The following ZNRF1 variants were observed in gnomAD, a reference collection of about 807,000 sequenced individuals.
ZNRF1 encodes E3 ubiquitin-protein ligase ZNRF1.
A neutral mutation model predicts 18.4 loss-of-function variants in ZNRF1; 3 were observed. The observed-to-expected ratio is 0.16, with a 90% CI of 0.07 to 0.42. The LOEUF is 0.42. ZNRF1 is among the 10% of genes least tolerant of loss of function. The pLI, the probability that ZNRF1 is intolerant of heterozygous loss-of-function variation, is 0.99. For synonymous variants in ZNRF1, 157 were observed against 144.2 expected (o/e 1.09, Z -0.64); for missense variants, 310 against 329.8 (o/e 0.94, Z 0.47).
chr16:75,065,097 C>T (rs2035786318), intron 1 of ZNRF1, among the ~76,000 whole-genome samples: 1 of 152,234 alleles, frequency 6.6e-6, no homozygotes, highest in Non-Finnish European at 1.5e-5. Context: ...AATGTGTTTT[C>T]ATGCAACGAG....
chr16:75,013,562 G>A (rs2035027588), intron 1 of ZNRF1, among the ~76,000 whole-genome samples: 1 of 152,144 alleles, frequency 6.6e-6, no homozygotes, highest in South Asian at 2.1e-4. Context: ...AGCCAGGATG[G>A]TCTCAATCTG....
chr16:75,020,281 A>T (rs907137044), intron 1 of ZNRF1, among the ~76,000 whole-genome samples: 2 of 151,568 alleles, frequency 1.3e-5, no homozygotes, highest in Non-Finnish European at 2.9e-5. Flanking sequence ...CTTTTTCTCT[A>T]TGTCCTAATG....
At chr16:75,098,533 A>C (rs568162486) in intron 2 of ZNRF1, among the ~76,000 whole-genome samples, 146 of 152,310 alleles carry the variant, frequency 9.6e-4, no homozygotes, top group South Asian at 1.2e-3. Context: ...GATTTCCCAA[A>C]AGGGGAGCTG....
chr16:75,008,259 A>T (rs578065238), intron 1 of ZNRF1, among the ~76,000 whole-genome samples: 2 of 152,282 alleles, frequency 1.3e-5, no homozygotes, highest in South Asian at 4.1e-4. Flanking sequence ...CAGGAACAAC[A>T]TTGTTGGCTA....
chr16:75,012,813 A>T (rs917402572), intron 1 of ZNRF1, among the ~76,000 whole-genome samples: 4 of 152,048 alleles, frequency 2.6e-5, no homozygotes, highest in African/African-American at 9.7e-5. Flanking sequence ...ATGTGTTAAG[A>T]TTTGCTTTCC....
At chr16:75,018,814 C>G (rs1015226456) in intron 1 of ZNRF1, among the ~76,000 whole-genome samples, 3 of 150,464 alleles carry the variant, frequency 2.0e-5, no homozygotes, top group African/African-American at 7.5e-5. Flanking sequence ...TGGATTTTTG[C>G]ACATATGTCA....
intron 1 of ZNRF1, among the ~76,000 whole-genome samples, chr16:75,077,928 G>A (rs1434778567): frequency 4.6e-5 from 7 of 152,012 alleles, no homozygotes; most frequent in Admixed American, 3.9e-4. Context: ...TGATTACATC[G>A]GACCCACCTG....
At chr16:75,023,835 C>T (rs898027970) in intron 1 of ZNRF1, among the ~76,000 whole-genome samples, 2 of 151,852 alleles carry the variant, frequency 1.3e-5, no homozygotes, top group African/African-American at 4.8e-5. Flanking sequence ...TTATGGAGCC[C>T]TACAGGGGCT....
At chr16:75,062,369 A>G (rs909115181) in intron 1 of ZNRF1, among the ~76,000 whole-genome samples, 1 of 152,256 alleles carries the variant, frequency 6.6e-6, no homozygotes, top group African/African-American at 2.4e-5. Flanking sequence ...TTCCATCGAC[A>G]GTGGCTCATG....
intron 2 of ZNRF1, among the ~76,000 whole-genome samples, chr16:75,096,010 T>C (rs1377723016): frequency 1.3e-5 from 2 of 151,522 alleles, no homozygotes; most frequent in Non-Finnish European, 2.9e-5. Context: ...TGTCATGGAA[T>C]TGAGGGGCAG....
At chr16:75,005,485 T>C (rs907306430) in intron 1 of ZNRF1, among the ~76,000 whole-genome samples, 6 of 152,174 alleles carry the variant, frequency 3.9e-5, no homozygotes, top group Admixed American at 3.9e-4. Context: ...CTAGTTCCTT[T>C]TGGGAAAAGG....
chr16:75,096,061 CGT>C (rs56013949), intron 2 of ZNRF1, among the ~76,000 whole-genome samples: 3,597 of 139,496 alleles, frequency 0.026, 70 homozygotes, highest in African/African-American at 0.042. Context: ...TATGTGTGCA[CGT>C]GTGTGTGTGT....
At chr16:75,056,162 T>G (rs906164486) in intron 1 of ZNRF1, among the ~76,000 whole-genome samples, 1 of 152,322 alleles carries the variant, frequency 6.6e-6, no homozygotes, top group East Asian at 1.9e-4. Context: ...AGTTTGAAGT[T>G]TAAGGATCCA....
chr16:75,061,337 C>A (rs1208332514), intron 1 of ZNRF1, among the ~76,000 whole-genome samples: 1 of 152,084 alleles, frequency 6.6e-6, no homozygotes, highest in Admixed American at 6.6e-5. Flanking sequence ...AACCATCCTT[C>A]TACCCTCTGT....
chr16:75,003,951 C>T (rs997552327), intron 1 of ZNRF1, among the ~76,000 whole-genome samples: 9 of 139,848 alleles, frequency 6.4e-5, no homozygotes, highest in African/African-American at 1.5e-4. Context: ...TGCCTTCAAT[C>T]GCCTCAGATT....
chr16:74,999,560 T>G lies in ZNRF1; in HGVS notation c.-112T>G. 1.3e-6 allele frequency: 1 copy of G among 747,400 alleles called. No homozygotes were observed. Among genetic ancestry groups the G allele is most frequent in the Non-Finnish European group, 1.8e-6 (1 of 540,596 alleles). The allele number at this position is 747,400 out of a possible 1,614,324, so 46.3% of individuals were successfully genotyped here. On this transcript the variant is annotated 5_prime_UTR_variant, in exon 1 of 5. Coordinates refer to ENST00000335325, the MANE Select transcript of ZNRF1 (RefSeq NM_032268.5). ...CTTTTTTTCCTTTTCTCCCTCCGGG[T>G]CTCCTTTTTGACTCCCTCCCCCTTT...
At chr16:75,054,670 T>G (rs895606443) in intron 1 of ZNRF1, among the ~76,000 whole-genome samples, 8 of 152,236 alleles carry the variant, frequency 5.3e-5, no homozygotes, top group African/African-American at 1.9e-4. Flanking sequence ...TACTGGCACT[T>G]TGTTCTCCCC....
At chr16:75,078,750 G>A (rs1484488323) in intron 1 of ZNRF1, among the ~76,000 whole-genome samples, 1 of 152,252 alleles carries the variant, frequency 6.6e-6, no homozygotes, top group Admixed American at 6.5e-5. Flanking sequence ...GCCCATTTAT[G>A]TGGTCCTCTT....
chr16:75,017,614 A>C (rs1377875727), intron 1 of ZNRF1, among the ~76,000 whole-genome samples: 1 of 152,182 alleles, frequency 6.6e-6, no homozygotes. Context: ...TGTGATCTTA[A>C]AAGTGACATG....
Sources: gnomAD v4.1 joint callset for allele counts (sites outside exome capture counted in the v4.1 genomes callset) on GRCh38, gnomAD v4.1.1 for gene constraint, MANE v1.5 for transcripts, NCBI Gene and HGNC (gene_info 2026-07-23, HGNC 2026-07-21) for gene names.